Variants in KIAA0753 observed in about 807,000 individuals in gnomAD.
KIAA0753 encodes the protein KIAA0753, also known as protein moonraker.
Under a neutral mutation model 116.9 loss-of-function variants are expected in KIAA0753, and 114 were observed. That is an observed-to-expected ratio of 0.98 (90% confidence interval 0.84 to 1.14). KIAA0753 has a LOEUF of 1.14. KIAA0753 is among the 50% of genes most tolerant of loss of function. The pLI is 0.00. For synonymous variants in KIAA0753, 405 were observed against 413.1 expected (o/e 0.98, Z 0.24); for missense variants, 1,156 against 1,172.4 (o/e 0.99, Z 0.20).
chr17:6,610,052 CT>C lies in KIAA0753; in HGVS notation c.1653del (p.Asp552ThrfsTer24). 1.9e-6 allele frequency: 3 copies of C among 1,614,142 alleles called. No individual in the cohort carries two copies. Among genetic ancestry groups the C allele is most frequent in the Non-Finnish European group, 2.5e-6 (3 of 1,180,022 alleles). On this transcript the variant is annotated frameshift_variant, in exon 9 of 19. Coordinates refer to ENST00000361413, the MANE Select transcript of KIAA0753 (RefSeq NM_014804.3). LOFTEE classifies it high-confidence loss of function. ...SRLKMNRQPV[K>X]DRKAPWIPPN... The stretch of plus-strand genomic sequence containing the variant: ...GGGGGTATCCATGGTGCCTTGCGGT[CT>C]TTCACAGGCTGCCGGTTCATTTTTA...
intron 14 of KIAA0753, 34 bp from the exon 15 acceptor site, chr17:6,596,377 T>C: frequency 2.7e-6 from 2 of 743,406 alleles, no homozygotes; most frequent in Admixed American, 2.5e-5. Context: ...AGGAGAGGCA[T>C]GGGGTGGATT....
In KIAA0753 at chr17:6,639,761, T is replaced by C. The variant is rs1006010955; in HGVS notation, c.-69+876A>G. 15 of 152,634 alleles carry C rather than the reference T, an allele frequency of 9.8e-5. No individual in the cohort carries two copies. The highest frequency in any genetic ancestry group is 3.6e-4 in the African/African-American group (15 of 41,408). The allele number at this position is 152,634 out of a possible 1,614,324, so 9.5% of individuals were successfully genotyped here. Reference sequence around the variant, plus strand: ...GGCACGGGATGGAGCTCGACTCTACTTCCTTCCCCACATCCCGAGGCGGCC... The same window carrying C: ...GGCACGGGATGGAGCTCGACTCTACCTCCTTCCCCACATCCCGAGGCGGCC... On this transcript the variant is annotated intron_variant, in intron 1 of 18. Coordinates refer to ENST00000361413, the MANE Select transcript of KIAA0753 (RefSeq NM_014804.3). This position sits in a 1 kb window ranked among gnomAD's most constrained non-coding sequence, Gnocchi z 4.3.
intron 8 of KIAA0753, among the ~76,000 whole-genome samples, chr17:6,610,740 G>A (rs1970487979): frequency 6.6e-6 from 1 of 151,550 alleles, no homozygotes; most frequent in Non-Finnish European, 1.5e-5. Context: ...GGCTGGTCTT[G>A]AACTCCTGGG....
chr17:6,597,601 T>C (rs1247454073), intron 14 of KIAA0753, among the ~76,000 whole-genome samples: 1 of 152,238 alleles, frequency 6.6e-6, no homozygotes, highest in African/African-American at 2.4e-5. Context: ...TAACTTTTAA[T>C]TCTAAAAGAA....
chr17:6,619,702 C>T (rs1971173766), intron 7 of KIAA0753, among the ~76,000 whole-genome samples: 1 of 152,162 alleles, frequency 6.6e-6, no homozygotes, highest in Non-Finnish European at 1.5e-5. Context: ...TCTGGGTTTA[C>T]AGGCGTGAGC....
chr17:6,604,983 C>G (rs1970100388), intron 12 of KIAA0753, among the ~76,000 whole-genome samples: 1 of 151,406 alleles, frequency 6.6e-6, no homozygotes, highest in Admixed American at 6.6e-5. Flanking sequence ...GCTAAATTAA[C>G]CTATGCCTAA....
chr17:6,593,206 C>T (rs552766533), intron 16 of KIAA0753, among the ~76,000 whole-genome samples: 2 of 152,318 alleles, frequency 1.3e-5, no homozygotes, highest in Admixed American at 1.3e-4. Context: ...AGATTTTGGA[C>T]GCTTCACAAG....
At chr17:6,595,752 G>A (rs1054565681) in intron 15 of KIAA0753, among the ~76,000 whole-genome samples, 3 of 152,140 alleles carry the variant, frequency 2.0e-5, no homozygotes, top group African/African-American at 7.2e-5. Context: ...AAAATTATCT[G>A]TGATTTGATA....
intron 14 of KIAA0753, among the ~76,000 whole-genome samples, chr17:6,598,226 G>GA (rs977021031): frequency 7.3e-5 from 11 of 150,450 alleles, no homozygotes; most frequent in African/African-American, 1.2e-4. Context: ...TATTCCTCTA[G>GA]AAAAAAAAAT....
At chr17:6,618,069 T>A (rs1482612903) in intron 7 of KIAA0753, among the ~76,000 whole-genome samples, 1 of 151,164 alleles carries the variant, frequency 6.6e-6, no homozygotes. Context: ...GCCACTGAAC[T>A]CCAGCCTGGG....
In KIAA0753 at chr17:6,615,905, C is replaced by T. The variant is rs144912125; in HGVS notation, c.1316-3757G>A. On this transcript the variant is annotated intron_variant, in intron 7 of 18. Coordinates refer to ENST00000361413, the MANE Select transcript of KIAA0753 (RefSeq NM_014804.3). Reference sequence around the variant, plus strand: ...GCCAACTATTATGTAAATCACAAGACAGCTGATCAAATCAGGCTCAGGAGT... The same window carrying T: ...GCCAACTATTATGTAAATCACAAGATAGCTGATCAAATCAGGCTCAGGAGT... Among the ~76,000 whole-genome samples, 586 of 152,262 alleles carry T rather than the reference C, an allele frequency of 3.8e-3. 6 individuals are homozygous for T. Among genetic ancestry groups the T allele is most frequent in the African/African-American group, 0.013 (551 of 41,554 alleles).
chr17:6,622,416 T>C (rs1175724573), intron 6 of KIAA0753, among the ~76,000 whole-genome samples: 1 of 152,244 alleles, frequency 6.6e-6, no homozygotes, highest in Non-Finnish European at 1.5e-5. Context: ...GTCTAATACA[T>C]GCCAGCTGTG....
chr17:6,623,009 T>C lies in KIAA0753; in HGVS notation c.977A>G (p.Glu326Gly). The C allele has an allele frequency of 6.2e-7, 1 of 1,614,082 alleles. No individual in the cohort carries two copies. The change falls in exon 6 of 19, where the codon GAG becomes GGG. Residue 326 changes from glutamate to glycine, a missense_variant. By Grantham distance (98) the Glu-to-Gly change is moderately conservative. Coordinates refer to ENST00000361413, the MANE Select transcript of KIAA0753 (RefSeq NM_014804.3). Reference protein sequence around the residue: ...MFVTQFTDRGEHPLPARCKEL... With the variant: ...MFVTQFTDRGGHPLPARCKEL... ...CTTACACCGAGCAGGAAGTGGATGC[T>C]CCCCTCGGTCAGTAAACTGAGTGAC...
chr17:6,603,210 AG>A (rs1484399152), intron 12 of KIAA0753, among the ~76,000 whole-genome samples: 7 of 152,194 alleles, frequency 4.6e-5, no homozygotes, highest in Non-Finnish European at 8.8e-5. Context: ...GGACCAATCA[AG>A]GAAGTCCAAC....
chr17:6,597,258 G>T (rs1969547291), intron 14 of KIAA0753, among the ~76,000 whole-genome samples: 1 of 151,982 alleles, frequency 6.6e-6, no homozygotes, highest in Admixed American at 6.6e-5. Flanking sequence ...TATGTTAATG[G>T]CCAATAAAGA....
chr17:6,588,307 T>A (rs185235767), intron 18 of KIAA0753, among the ~76,000 whole-genome samples: 1 of 152,060 alleles, frequency 6.6e-6, no homozygotes, highest in Non-Finnish European at 1.5e-5. Context: ...AAACAGGATA[T>A]GCGCCATCAA....
chr17:6,579,607 CG>C lies in KIAA0753; in HGVS notation c.*139del. 2 of 667,008 alleles carry C rather than the reference CG, an allele frequency of 3.0e-6. No individual in the cohort carries two copies. Among genetic ancestry groups the C allele is most frequent in the South Asian group, 3.5e-5 (2 of 56,682 alleles). The allele number at this position is 667,008 out of a possible 1,614,324, so 41.3% of individuals were successfully genotyped here. Reference sequence around the variant, plus strand: ...AAATGCAAAGTGAGGATGACCTCCCCGGCACTGCCTTCCTTTCAGTGGGCAG... The same window carrying C: ...AAATGCAAAGTGAGGATGACCTCCCCGCACTGCCTTCCTTTCAGTGGGCAG... On this transcript the variant is annotated 3_prime_UTR_variant, in exon 19 of 19. Coordinates refer to ENST00000361413, the MANE Select transcript of KIAA0753 (RefSeq NM_014804.3).
chr17:6,612,114 G>C lies in KIAA0753; in HGVS notation c.1350C>G (p.Thr450=), dbSNP rs1362165709. 6.2e-7 allele frequency: 1 copy of C among 1,614,034 alleles called. No individual in the cohort carries two copies. Among genetic ancestry groups the C allele is most frequent in the Admixed American group, 1.7e-5 (1 of 60,006 alleles). The change falls in exon 8 of 19, where the codon ACC becomes ACG. Residue 450 remains threonine, a synonymous_variant. Coordinates refer to ENST00000361413, the MANE Select transcript of KIAA0753 (RefSeq NM_014804.3). ...CATCAAGCTCACTCTGCAACCTCTGGGTCTCCGGAAGCTCCGTATCGGGCT... is the reference window on the plus strand; with the variant it reads ...CATCAAGCTCACTCTGCAACCTCTGCGTCTCCGGAAGCTCCGTATCGGGCT... ...KYQPDTELPE[T]QRLQSELDVL... is the part of the protein sequence containing the mutation.
chr17:6,603,186 A>G (rs1015331956), intron 12 of KIAA0753, among the ~76,000 whole-genome samples: 17 of 152,186 alleles, frequency 1.1e-4, no homozygotes, highest in African/African-American at 3.9e-4. Context: ...GAAAAAACAG[A>G]TAAGAAAATC....
Sources: allele counts gnomAD v4.1 joint callset (sites outside exome capture counted in the v4.1 genomes callset), GRCh38; gene constraint gnomAD v4.1.1; non-coding constraint Gnocchi (gnomAD v3.1); transcripts MANE v1.5; gene names NCBI Gene and HGNC (gene_info 2026-07-23, HGNC 2026-07-21).